NPHP1: variants seen among roughly 807,000 people sequenced by gnomAD.
The protein encoded by NPHP1 is nephrocystin-1.
Under a neutral mutation model 90.4 loss-of-function variants are expected in NPHP1, and 70 were observed. That is an observed-to-expected ratio of 0.77 (90% CI 0.64 to 0.95). The LOEUF (loss-of-function observed/expected upper bound fraction) is 0.95. NPHP1 is among the 40% of genes least tolerant of loss of function. The pLI is 0.00. For missense variants in NPHP1, 764 were observed against 795.9 expected, an observed-to-expected ratio of 0.96 and a Z score of 0.48; for synonymous variants, 256 against 271.7, an observed-to-expected ratio of 0.94 and a Z score of 0.57.
intron 4 of NPHP1, among the ~76,000 whole-genome samples, chr2:110,171,863 G>C (rs1300580218): frequency 6.6e-6 from 1 of 152,084 alleles, no homozygotes; most frequent in Admixed American, 6.5e-5. Context: ...TGAGGGCCTT[G>C]CAATTTTCTT....
At chr2:110,138,975 G>T (rs1008572487) in intron 16 of NPHP1, among the ~76,000 whole-genome samples, 1 of 151,982 alleles carries the variant, frequency 6.6e-6, no homozygotes, top group Non-Finnish European at 1.5e-5. Flanking sequence ...AAGACGAATA[G>T]AAAGTTCTGG....
Position 110,124,147 on chromosome 2 carries a change from A to C in NPHP1, c.1762-84T>G, listed in dbSNP as rs1474495525. The C allele has an allele frequency of 9.2e-6, 14 of 1,521,930 alleles. No individual in the cohort carries two copies. In the Admixed American group the frequency reaches 2.4e-4, roughly 26 times the overall value. The allele number at this position is 1,521,930 out of a possible 1,614,324, so 94.3% of individuals were successfully genotyped here. A position where few individuals can be genotyped will look rare whatever the true frequency, so the allele number is the denominator to read the frequency against. ...AACTCTATTAACTAAAAGCCACCTA[A>C]GAGGTAGGATGGAGGGTGCCATTAG... On this transcript the variant is annotated intron_variant, in intron 19 of 19. Transcript: ENST00000445609.
chr2:110,185,122 G>A (rs1684195769), intron 2 of NPHP1: 5 of 580,590 alleles, frequency 8.6e-6, no homozygotes, highest in Middle Eastern at 3.9e-4. Flanking sequence ...GAAGATGTGG[G>A]TCTCCAAGAA....
chr2:110,151,311 TA>T (rs1336694621), intron 11 of NPHP1, among the ~76,000 whole-genome samples: 2 of 152,138 alleles, frequency 1.3e-5, no homozygotes, highest in Non-Finnish European at 2.9e-5. Flanking sequence ...ATTATATTTT[TA>T]TTGAAATTCA....
At chr2:110,157,467 T>C in intron 11 of NPHP1, among the ~76,000 whole-genome samples, 1 of 152,094 alleles carries the variant, frequency 6.6e-6, no homozygotes, top group East Asian at 1.9e-4. Flanking sequence ...TCAGATGAAA[T>C]AAAGGCATTT....
Position 110,123,630 on chromosome 2 carries a change from AT to A in NPHP1, c.*160del, listed in dbSNP as rs1174299419. The A allele has an allele frequency of 2.9e-5, 19 of 647,268 alleles. No homozygotes were observed. Among genetic ancestry groups the A allele is most frequent in the Middle Eastern group, 4.1e-4 (1 of 2,430 alleles). The allele number at this position is 647,268 out of a possible 1,614,324, so 40.1% of individuals were successfully genotyped here. ...TTTTATGGTTTTAAAAAATATTTAA[AT>A]TATTGTATAAACATTTCTTTAAAAA... On this transcript the variant is annotated 3_prime_UTR_variant, in exon 20 of 20. Coordinates refer to ENST00000445609, the MANE Select transcript of NPHP1 (RefSeq NM_001128178.3).
At chr2:110,145,801 G>T (rs1680999088) in intron 14 of NPHP1, among the ~76,000 whole-genome samples, 1 of 152,096 alleles carries the variant, frequency 6.6e-6, no homozygotes, top group African/African-American at 2.4e-5. Context: ...AAAACCCTGA[G>T]CATATTAAAA....
intron 16 of NPHP1, among the ~76,000 whole-genome samples, chr2:110,143,226 T>A (rs1272247127): frequency 9.2e-5 from 14 of 152,182 alleles, no homozygotes; most frequent in Admixed American, 8.5e-4. Flanking sequence ...ATGTAAATTA[T>A]ATCTCAATAA....
intron 9 of NPHP1, among the ~76,000 whole-genome samples, 197 bp from the exon 10 acceptor site, chr2:110,161,894 A>C (rs1042005788): frequency 1.3e-5 from 2 of 152,174 alleles, no homozygotes; most frequent in Non-Finnish European, 2.9e-5. Context: ...AGATACAAAC[A>C]CATAAAAGAT....
intron 2 of NPHP1, among the ~76,000 whole-genome samples, chr2:110,185,578 C>T (rs571515845): frequency 6.6e-6 from 1 of 152,308 alleles, no homozygotes; most frequent in African/African-American, 2.4e-5. Flanking sequence ...CCCTCACTCC[C>T]ACCCACCAGG....
At chr2:110,157,946 T>C (rs992116842) in intron 11 of NPHP1, among the ~76,000 whole-genome samples, 3 of 152,190 alleles carry the variant, frequency 2.0e-5, no homozygotes, top group Non-Finnish European at 2.9e-5. Flanking sequence ...GTGCTATAAA[T>C]GTCCCTCTAA....
rs991215755 is a variant in NPHP1, at chr2:110,124,208, G to A, written c.1762-145C>T. 3.7e-6 allele frequency: 3 copies of A among 813,538 alleles called. No individual in the cohort carries two copies. In the African/African-American group the frequency reaches 5.1e-5, roughly 14 times the overall value. 50.4% of individuals were successfully genotyped at this position (813,538 alleles called of 1,614,324 possible). On this transcript the variant is annotated intron_variant, in intron 19 of 19. Transcript: ENST00000445609. ...GTATCGGCTCTGAGCCAGCTGCTCA[G>A]GCAGGACATGGCACTTCAGAAGTGG...
rs59551307 is a variant in NPHP1 at position 110,186,846 on chromosome 2, A to AAAAG, written c.144-7166_144-7163dup. Among the ~76,000 whole-genome samples the AAAAG allele has an allele frequency of 7.0e-3, 1,059 of 152,200 alleles. 12 individuals are homozygous for AAAAG. The highest frequency in any genetic ancestry group is 0.023 in the African/African-American group (952 of 41,498). ...GTCATTCTGATAGACACATTTAAAA[A>AAAAG]AAAGAAAGAAAGAAAGAAAGAAATC... On this transcript the variant is annotated intron_variant, in intron 2 of 19. Transcript: ENST00000445609.
intron 16 of NPHP1, among the ~76,000 whole-genome samples, chr2:110,133,170 G>A (rs1441048140): frequency 2.0e-5 from 3 of 151,864 alleles, no homozygotes; most frequent in East Asian, 1.9e-4. Flanking sequence ...AGAGACTCAC[G>A]GTAGACTTAG....
rs201478764 is a variant in NPHP1, at chr2:110,163,140, A to C, written c.772-5T>G. Reference sequence around the variant, plus strand: ...CACATCAACAGTGTTTATCTGCTGAAGACAGTAACATCAAAATGGATTTGT... The same window carrying C: ...CACATCAACAGTGTTTATCTGCTGACGACAGTAACATCAAAATGGATTTGT... On this transcript the variant is annotated splice_region_variant and splice_polypyrimidine_tract_variant and intron_variant, in intron 8 of 19. Transcript: ENST00000445609. 1 of 1,591,188 alleles carries C rather than the reference A, an allele frequency of 6.3e-7. No individual in the cohort carries two copies. Among genetic ancestry groups the C allele is most frequent in the Admixed American group, 1.7e-5 (1 of 59,996 alleles).
chr2:110,169,674 T>C, intron 5 of NPHP1, 132 bp downstream of exon 5: 1 of 680,966 alleles, frequency 1.5e-6, no homozygotes, highest in East Asian at 2.7e-5. Context: ...ATTGTAATTA[T>C]TACTTATTTA....
In NPHP1 at chr2:110,143,776, C is replaced by T. The variant is rs1680818827; in HGVS notation, c.1430-135G>A. ...TGAAAGGCAAGAGTCATCCATATAC[C>T]CTAAATGAGCTGAGAGACCTCCCTA... On this transcript the variant is annotated intron_variant, in intron 15 of 19. Coordinates refer to ENST00000445609, the MANE Select transcript of NPHP1 (RefSeq NM_001128178.3). 3 of 684,398 alleles carry T rather than the reference C, an allele frequency of 4.4e-6. No individual in the cohort carries two copies. The South Asian group carries it at 4.9e-5, about 11-fold the overall frequency. The allele number at this position is 684,398 out of a possible 1,614,324, so 42.4% of individuals were successfully genotyped here.
chr2:110,148,483 A>G (rs1205568022), intron 12 of NPHP1, among the ~76,000 whole-genome samples: 2 of 152,144 alleles, frequency 1.3e-5, no homozygotes, highest in African/African-American at 4.8e-5. Flanking sequence ...ACGGCCTCAC[A>G]CAGGGTTTCA....
chr2:110,155,253 C>G (rs1361408949), intron 11 of NPHP1, among the ~76,000 whole-genome samples: 1 of 152,132 alleles, frequency 6.6e-6, no homozygotes, highest in Admixed American at 6.5e-5. Context: ...GCCTAGATTT[C>G]AAGAGGATGT....
Sources: gnomAD v4.1 joint callset for allele counts (sites outside exome capture counted in the v4.1 genomes callset) on GRCh38, gnomAD v4.1.1 for gene constraint, MANE v1.5 for transcripts, NCBI Gene and HGNC (gene_info 2026-07-23, HGNC 2026-07-21) for gene names.